Variants in ZNF385D observed in about 807,000 individuals in gnomAD.
The protein encoded by ZNF385D is zinc finger protein 385D, also known as zinc finger protein 659.
A neutral mutation model predicts 35.8 loss-of-function variants in ZNF385D; 15 were observed. That is an observed-to-expected ratio of 0.42 (90% CI 0.28 to 0.64). The LOEUF is 0.64. Among genes scored for constraint, ZNF385D ranks in the 30% least tolerant of loss-of-function variants. ZNF385D has a pLI of 0.23. For missense variants in ZNF385D, 474 were observed against 494.6 expected, an observed-to-expected ratio of 0.96 and a Z score of 0.39; for synonymous variants, 212 against 186.8, an observed-to-expected ratio of 1.13 and a Z score of -1.10.
chr3:22,008,443 C>T (rs994007555), intron 3 of ZNF385D, among the ~76,000 whole-genome samples: 1 of 150,158 alleles, frequency 6.7e-6, no homozygotes, highest in Non-Finnish European at 1.5e-5. Flanking sequence ...GGCTCCGCCC[C>T]CCGGAGTTCA....
intron 1 of ZNF385D, among the ~76,000 whole-genome samples, chr3:21,707,794 C>T (rs769630936): frequency 5.9e-5 from 9 of 152,098 alleles, no homozygotes; most frequent in Non-Finnish European, 8.8e-5. Flanking sequence ...TTCCCTTGAT[C>T]GGTCTTCAAA....
In ZNF385D at chr3:22,107,026, G is replaced by GTTTTTTTTTTTTTTTTTTTTT. The variant is rs10676871; in HGVS notation, c.325+61790_325+61791insAAAAAAAAAAAAAAAAAAAAA. The stretch of plus-strand genomic sequence containing the variant: ...TTTATGCAAAAACTTTGGAATGAGA[G>GTTTTTTTTTTTTTTTTTTTTT]TTTTTTTTTTTTTTTTAGACAGAGT... On this transcript the variant is annotated intron_variant, in intron 3 of 5. Transcript: ENST00000494108. Among the ~76,000 whole-genome samples, 72 of 118,810 alleles carry GTTTTTTTTTTTTTTTTTTTTT rather than the reference G, an allele frequency of 6.1e-4. 6 individuals are homozygous for GTTTTTTTTTTTTTTTTTTTTT. The highest frequency in any genetic ancestry group is 4.8e-3 in the Middle Eastern group (1 of 208). The allele number at this position is 118,810 out of a possible 152,430, so 77.9% of individuals were successfully genotyped here.
intron 3 of ZNF385D, among the ~76,000 whole-genome samples, chr3:22,094,526 G>A (rs1484321750): frequency 2.6e-5 from 4 of 151,700 alleles, no homozygotes; most frequent in Non-Finnish European, 4.4e-5. Flanking sequence ...GGCAATCAGA[G>A]TAAGACATAG....
At chr3:21,448,436 G>T (rs1702272358) in intron 4 of ZNF385D, among the ~76,000 whole-genome samples, 1 of 152,074 alleles carries the variant, frequency 6.6e-6, no homozygotes, top group South Asian at 2.1e-4. Flanking sequence ...AAAAATGGGG[G>T]TCATCACATA....
chr3:22,152,379 G>A (rs572412625), intron 3 of ZNF385D, among the ~76,000 whole-genome samples: 1 of 152,088 alleles, frequency 6.6e-6, no homozygotes, highest in Non-Finnish European at 1.5e-5. Context: ...CATTGCTAGA[G>A]CAAATTACTA....
chr3:21,678,618 TTGTAAAGATTATTTTGTGC>T (rs2066803131), intron 1 of ZNF385D, among the ~76,000 whole-genome samples: 1 of 152,072 alleles, frequency 6.6e-6, no homozygotes, highest in Admixed American at 6.6e-5. Context: ...TTGACTTAAA[TTGTAAAGATTATTTTGTGC>T]TTTTGAACGG....
At chr3:22,101,703 A>T (rs1701954243) in intron 3 of ZNF385D, among the ~76,000 whole-genome samples, 1 of 151,342 alleles carries the variant, frequency 6.6e-6, no homozygotes, top group Admixed American at 6.6e-5. Context: ...CTCGGAAAGG[A>T]TTCTCTGGCA....
chr3:22,115,655 G>C (rs1702768727), intron 3 of ZNF385D, among the ~76,000 whole-genome samples: 1 of 152,036 alleles, frequency 6.6e-6, no homozygotes, highest in South Asian at 2.1e-4. Flanking sequence ...TAAGATTCCA[G>C]TAAACCATAT....
chr3:22,195,110 T>A (rs1226284656), intron 2 of ZNF385D, among the ~76,000 whole-genome samples: 1 of 151,924 alleles, frequency 6.6e-6, no homozygotes, highest in Non-Finnish European at 1.5e-5. Flanking sequence ...TTCCAATTGC[T>A]CCCCATTGTC....
At chr3:22,331,266 C>A (rs566057774) in intron 2 of ZNF385D, among the ~76,000 whole-genome samples, 2 of 152,026 alleles carry the variant, frequency 1.3e-5, no homozygotes, top group Non-Finnish European at 2.9e-5. Context: ...GATTACACAG[C>A]ACAAGTGTCA....
At chr3:21,806,256 C>T (rs1199699371) in intron 3 of ZNF385D, among the ~76,000 whole-genome samples, 5 of 149,492 alleles carry the variant, frequency 3.3e-5, no homozygotes, top group Non-Finnish European at 7.4e-5. Context: ...CCAATCTAAA[C>T]TCTTTTTGTA....
At chr3:21,846,306 G>T (rs1696004089) in intron 3 of ZNF385D, among the ~76,000 whole-genome samples, 1 of 151,962 alleles carries the variant, frequency 6.6e-6, no homozygotes, top group Admixed American at 6.6e-5. Context: ...TTGCACATCT[G>T]CCCAGTCTTT....
chr3:22,097,159 T>C (rs1375982700), intron 3 of ZNF385D, among the ~76,000 whole-genome samples: 3 of 152,146 alleles, frequency 2.0e-5, no homozygotes, highest in Non-Finnish European at 4.4e-5. Context: ...CTGCATGAGC[T>C]GCGCTTGCAG....
intron 3 of ZNF385D, among the ~76,000 whole-genome samples, chr3:21,897,355 C>G (rs1699189623): frequency 6.6e-6 from 1 of 151,984 alleles, no homozygotes; most frequent in South Asian, 2.1e-4. Flanking sequence ...GAACATATAC[C>G]TCAAACACAG....
intron 3 of ZNF385D, among the ~76,000 whole-genome samples, chr3:22,012,133 A>G (rs188189077): frequency 1.3e-5 from 2 of 152,268 alleles, no homozygotes; most frequent in Admixed American, 6.5e-5. Flanking sequence ...TCAATTAGTA[A>G]TTAGAGTTTT....
intron 3 of ZNF385D, among the ~76,000 whole-genome samples, chr3:21,996,611 C>T (rs923697903): frequency 5.3e-5 from 8 of 152,180 alleles, no homozygotes; most frequent in Admixed American, 3.3e-4. Context: ...ATTTATTTCT[C>T]ACATATGTTT....
intron 3 of ZNF385D, among the ~76,000 whole-genome samples, chr3:21,969,285 T>C (rs946080531): frequency 6.6e-6 from 1 of 152,090 alleles, no homozygotes; most frequent in East Asian, 1.9e-4. Flanking sequence ...CCCCACGTGT[T>C]AAGGGAAAGA....
At chr3:22,257,593 A>G (rs762987244) in intron 2 of ZNF385D, among the ~76,000 whole-genome samples, 3 of 151,814 alleles carry the variant, frequency 2.0e-5, no homozygotes, top group East Asian at 1.9e-4. Context: ...AGAAGTTTAC[A>G]TCTATTGTGG....
chr3:22,199,403 CA>C (rs1696633501), intron 2 of ZNF385D, among the ~76,000 whole-genome samples: 1 of 152,048 alleles, frequency 6.6e-6, no homozygotes, highest in Admixed American at 6.6e-5. Context: ...TGGCTGAATG[CA>C]AAAGCTATCC....
Sources: gnomAD v4.1 joint callset for allele counts (sites outside exome capture counted in the v4.1 genomes callset) on GRCh38, gnomAD v4.1.1 for gene constraint, MANE v1.5 for transcripts, NCBI Gene and HGNC (gene_info 2026-07-23, HGNC 2026-07-21) for gene names.